Variants in CAMKMT observed in about 807,000 individuals in gnomAD.
The protein encoded by CAMKMT is CaM KMT.
CAMKMT carries 53 observed loss-of-function variants against 48.0 expected under a neutral mutation model. That is an observed-to-expected ratio of 1.10 (90% CI 0.89 to 1.39). The LOEUF (loss-of-function observed/expected upper bound fraction) is 1.39, where lower values mean the gene tolerates loss of function less well. Among genes scored for constraint, CAMKMT ranks in the 40% most tolerant of loss-of-function variants. The pLI is 0.00. For synonymous variants in CAMKMT, 165 were observed against 152.3 expected (o/e 1.08, Z -0.61); for missense variants, 428 against 402.7 (o/e 1.06, Z -0.54).
chr2:44,398,748 T>A (rs1392857431), intron 3 of CAMKMT, among the ~76,000 whole-genome samples: 1 of 152,164 alleles, frequency 6.6e-6, no homozygotes, highest in African/African-American at 2.4e-5. Context: ...TTCTTGATTT[T>A]TAACAAAGTT....
chr2:44,399,625 GA>G (rs376930888), intron 3 of CAMKMT, among the ~76,000 whole-genome samples: 8,588 of 138,870 alleles, frequency 0.062, 733 homozygotes, highest in African/African-American at 0.2. Flanking sequence ...AAATAATCAA[GA>G]AAAAAAAAAA....
intron 7 of CAMKMT, among the ~76,000 whole-genome samples, chr2:44,736,467 C>A (rs2104356977): frequency 6.6e-6 from 1 of 152,258 alleles, no homozygotes; most frequent in African/African-American, 2.4e-5. Context: ...TACTTTTAGG[C>A]AATTCGATTA....
At chr2:44,515,088 G>A (rs937823617) in intron 3 of CAMKMT, among the ~76,000 whole-genome samples, 1 of 152,226 alleles carries the variant, frequency 6.6e-6, no homozygotes, top group Non-Finnish European at 1.5e-5. Context: ...TTAACTCTAA[G>A]GGGTGGGAGA....
In CAMKMT at chr2:44,640,012, C is replaced by A. The variant is rs1044350740; in HGVS notation, c.377-64271C>A. On this transcript the variant is annotated intron_variant, in intron 3 of 10. Transcript: ENST00000378494. ...TGGCAGGAAGCATCTATCAAGTACC[C>A]AGCAAATACCCATTTCCCTCCTGCT... 2.0e-5 allele frequency among the ~76,000 whole-genome samples: 3 copies of A among 152,162 alleles called. No individual in the cohort carries two copies. The East Asian group carries it at 5.8e-4, about 29-fold the overall frequency.
At chr2:44,768,490 C>T (rs931921042) in intron 10 of CAMKMT, among the ~76,000 whole-genome samples, 1 of 151,948 alleles carries the variant, frequency 6.6e-6, no homozygotes, top group Non-Finnish European at 1.5e-5. Flanking sequence ...ACCGGGCTGG[C>T]ACGTGCAGTT....
chr2:44,612,237 G>A (rs955503105), intron 3 of CAMKMT, among the ~76,000 whole-genome samples: 4 of 152,124 alleles, frequency 2.6e-5, no homozygotes, highest in African/African-American at 9.7e-5. Flanking sequence ...TAATTTATGG[G>A]AATAATCATT....
intron 3 of CAMKMT, chr2:44,631,428 A>C (rs957226837): frequency 1.8e-5 from 10 of 560,538 alleles, no homozygotes; most frequent in Admixed American, 1.6e-4. Flanking sequence ...TAAAAAAGAA[A>C]GGAAATACAA....
At chr2:44,490,110 G>C (rs2104708868) in intron 3 of CAMKMT, among the ~76,000 whole-genome samples, 1 of 151,996 alleles carries the variant, frequency 6.6e-6, no homozygotes, top group South Asian at 2.1e-4. Context: ...AATGCAGACA[G>C]ATGCAAAAAT....
At chr2:44,490,533 C>T (rs1669444549) in intron 3 of CAMKMT, among the ~76,000 whole-genome samples, 1 of 152,152 alleles carries the variant, frequency 6.6e-6, no homozygotes. Context: ...CCTCGGCCTC[C>T]CAAAGTGCTG....
chr2:44,586,301 T>C (rs1309687108), intron 3 of CAMKMT, among the ~76,000 whole-genome samples: 1 of 151,810 alleles, frequency 6.6e-6, no homozygotes, highest in African/African-American at 2.4e-5. Context: ...AAGTGTACAA[T>C]TTGATAAGTT....
chr2:44,710,112 A>C lies in CAMKMT; in HGVS notation c.556+2650A>C, dbSNP rs560062922. Among the ~76,000 whole-genome samples the C allele has an allele frequency of 7.1e-3, 1,073 of 151,896 alleles. 13 individuals are homozygous for C. The highest frequency in any genetic ancestry group is 0.025 in the African/African-American group (1,025 of 41,520). Reference sequence around the variant, plus strand: ...TTCTGATTTTTACCTTTTTTTAAAAAAAAAAACAGCATTTCCTGATATTTC... The same window carrying C: ...TTCTGATTTTTACCTTTTTTTAAAACAAAAAACAGCATTTCCTGATATTTC... On this transcript the variant is annotated intron_variant, in intron 6 of 10. Transcript: ENST00000378494.
At chr2:44,536,709 A>G (rs888958836) in intron 3 of CAMKMT, among the ~76,000 whole-genome samples, 1 of 152,168 alleles carries the variant, frequency 6.6e-6, no homozygotes, top group Non-Finnish European at 1.5e-5. Flanking sequence ...TAGGCAAACC[A>G]ATCCTGAGCA....
At chr2:44,688,060 G>A (rs1342009599) in intron 3 of CAMKMT, among the ~76,000 whole-genome samples, 2 of 152,168 alleles carry the variant, frequency 1.3e-5, no homozygotes, top group Admixed American at 6.5e-5. Context: ...ACAATGGTAC[G>A]TAAATTTATA....
chr2:44,371,152 T>C (rs1004241589), intron 1 of CAMKMT, among the ~76,000 whole-genome samples: 29 of 152,136 alleles, frequency 1.9e-4, no homozygotes, highest in Non-Finnish European at 3.7e-4. Flanking sequence ...ACCTGGCTAA[T>C]TTTTGTATTT....
intron 3 of CAMKMT, among the ~76,000 whole-genome samples, chr2:44,689,254 C>T (rs1676497842): frequency 7.2e-6 from 1 of 139,638 alleles, no homozygotes; most frequent in South Asian, 2.3e-4. Context: ...AGACATGACC[C>T]AGCACTATTT....
intron 3 of CAMKMT, among the ~76,000 whole-genome samples, chr2:44,605,377 C>T (rs1671227234): frequency 6.6e-6 from 1 of 151,982 alleles, no homozygotes; most frequent in Non-Finnish European, 1.5e-5. Context: ...TTGGTGGTGG[C>T]ATGTCTTTCT....
intron 3 of CAMKMT, among the ~76,000 whole-genome samples, chr2:44,655,241 A>T (rs1328385875): frequency 6.6e-6 from 1 of 152,210 alleles, no homozygotes; most frequent in Non-Finnish European, 1.5e-5. Flanking sequence ...TTATGTATTA[A>T]TACAATTGTA....
chr2:44,623,231 T>TTGTTGGTATACCTC (rs1672293439), intron 3 of CAMKMT, among the ~76,000 whole-genome samples: 1 of 152,144 alleles, frequency 6.6e-6, no homozygotes, highest in Admixed American at 6.5e-5. Flanking sequence ...TATTAGGCCT[T>TTGTTGGTATACCTC]TGTTGGTATA....
intron 3 of CAMKMT, among the ~76,000 whole-genome samples, chr2:44,459,117 T>A (rs956812744): frequency 2.6e-5 from 4 of 152,004 alleles, no homozygotes; most frequent in Non-Finnish European, 5.9e-5. Flanking sequence ...AAAAAAAAGA[T>A]TTAGGAATAG....
Sources: allele counts gnomAD v4.1 joint callset (sites outside exome capture counted in the v4.1 genomes callset), GRCh38; gene constraint gnomAD v4.1.1; transcripts MANE v1.5; gene names NCBI Gene and HGNC (gene_info 2026-07-23, HGNC 2026-07-21).